Variants in PTPRJ observed in about 807,000 individuals in gnomAD.
PTPRJ encodes the protein protein tyrosine phosphatase receptor type J, also known as receptor-type tyrosine-protein phosphatase eta.
PTPRJ carries 129 observed loss-of-function variants against 141.3 expected under a neutral mutation model. The ratio of observed to expected loss-of-function variants is 0.91; its 90% CI spans 0.79 to 1.06. The LOEUF (loss-of-function observed/expected upper bound fraction) is 1.06, where lower values mean the gene tolerates loss of function less well. PTPRJ is among the 50% of genes least tolerant of loss of function. The probability of loss-of-function intolerance (pLI) is 0.00; values close to 1 mark genes in which losing one functional copy is unlikely to be tolerated. For synonymous variants in PTPRJ, 610 were observed against 640.5 expected, an observed-to-expected ratio of 0.95 and a Z score of 0.72; for missense variants, 1,601 against 1,679.7, an observed-to-expected ratio of 0.95 and a Z score of 0.82.
rs770195763 is a variant in PTPRJ, at chr11:48,127,892, T to C, written c.1206T>C (p.His402=). The C allele has an allele frequency of 3.7e-6, 6 of 1,614,050 alleles. No individual in the cohort carries two copies. The Admixed American group carries it at 6.7e-5, about 18-fold the overall frequency. The change falls in exon 7 of 25, where the codon CAT becomes CAC. Residue 402 remains histidine (H), a synonymous_variant. Transcript: ENST00000418331. ...ESSSNYTYKI[H]VAGETDSSNL... ...CATCTAACTATACCTACAAGATACA[T>C]GTGGCGGGGGAGACAGATTCTTCCA...
intron 1 of PTPRJ, among the ~76,000 whole-genome samples, chr11:48,065,768 CCT>C (rs1286145931): frequency 6.6e-6 from 1 of 152,116 alleles, no homozygotes; most frequent in East Asian, 1.9e-4. Context: ...TATTGTCACC[CCT>C]GTTACAGGGT....
chr11:48,072,568 T>G (rs1855290485), intron 1 of PTPRJ, among the ~76,000 whole-genome samples: 1 of 152,198 alleles, frequency 6.6e-6, no homozygotes, highest in Non-Finnish European at 1.5e-5. Context: ...GGTGTATTTT[T>G]TCCAACAATC....
At chr11:48,129,398 G>A (rs995366478) in intron 7 of PTPRJ, among the ~76,000 whole-genome samples, 1 of 152,272 alleles carries the variant, frequency 6.6e-6, no homozygotes, top group South Asian at 2.1e-4. Flanking sequence ...GTCTGCGTGT[G>A]CCTATGCCCT....
At chr11:48,149,894 G>A in intron 16 of PTPRJ, 96 bp from the exon 17 acceptor site, 1 of 941,278 alleles carries the variant, frequency 1.1e-6, no homozygotes. Flanking sequence ...TTATACCCTG[G>A]GTTTTGTTGT....
intron 12 of PTPRJ, among the ~76,000 whole-genome samples, chr11:48,144,467 A>C (rs1857305663): frequency 1.3e-5 from 2 of 152,322 alleles, no homozygotes; most frequent in African/African-American, 2.4e-5. Context: ...GGAGACAATA[A>C]GCTTATGTGA....
intron 19 of PTPRJ, among the ~76,000 whole-genome samples, chr11:48,154,656 C>T (rs758087696): frequency 1.4e-4 from 22 of 152,136 alleles, no homozygotes; most frequent in East Asian, 7.7e-4. Flanking sequence ...CATCTTTATT[C>T]GAAGCCGTGT....
chr11:48,133,914 T>G (rs1188064347), intron 8 of PTPRJ, among the ~76,000 whole-genome samples: 1 of 152,218 alleles, frequency 6.6e-6, no homozygotes, highest in Non-Finnish European at 1.5e-5. Context: ...CTTAATATTC[T>G]ACAGAAATTA....
intron 1 of PTPRJ, among the ~76,000 whole-genome samples, chr11:48,056,164 T>G (rs1002796550): frequency 6.6e-6 from 1 of 152,330 alleles, no homozygotes; most frequent in African/African-American, 2.4e-5. Flanking sequence ...AAAAGCAGCT[T>G]TGTTTATCAA....
intron 21 of PTPRJ, 127 bp from the exon 22 acceptor site, chr11:48,159,803 A>C: frequency 7.9e-7 from 1 of 1,261,194 alleles, no homozygotes; most frequent in Non-Finnish European, 1.1e-6. Flanking sequence ...GGGTCAAACA[A>C]AACCCAACTA....
intron 1 of PTPRJ, among the ~76,000 whole-genome samples, chr11:48,063,946 T>TG (rs1565284522): frequency 2.1e-4 from 30 of 141,072 alleles, no homozygotes; most frequent in African/African-American, 6.9e-4. Context: ...GTGTGTGTGT[T>TG]TTTAAAAAGA....
At chr11:48,048,352 A>G (rs1411109596) in intron 1 of PTPRJ, among the ~76,000 whole-genome samples, 1 of 152,192 alleles carries the variant, frequency 6.6e-6, no homozygotes, top group African/African-American at 2.4e-5. Context: ...GCTGCTGGGA[A>G]GACTCCTCTC....
Position 48,144,533 on chromosome 11 carries a change from T to C in PTPRJ, c.2576-142T>C, listed in dbSNP as rs1590554533. 9.0e-6 allele frequency: 6 copies of C among 670,264 alleles called. No individual in the cohort carries two copies. In the East Asian group the frequency reaches 1.6e-4, roughly 18 times the overall value. 41.5% of individuals were successfully genotyped at this position (670,264 alleles called of 1,614,324 possible). A position where few individuals can be genotyped will look rare whatever the true frequency, so the allele number is the denominator to read the frequency against. ...TAGGTGAAACCCTTAGAATTCAATG[T>C]AAGTCAAACCTGGCACAGAGAGATA... On this transcript the variant is annotated intron_variant, in intron 12 of 24. Transcript: ENST00000418331.
At chr11:48,165,622 T>C (rs1408309763) in intron 24 of PTPRJ, among the ~76,000 whole-genome samples, 1 of 152,176 alleles carries the variant, frequency 6.6e-6, no homozygotes, top group Admixed American at 6.5e-5. Context: ...CCTGGGTACA[T>C]TGCGTGCTCT....
At chr11:48,055,190 T>TAAAA (rs528706449) in intron 1 of PTPRJ, among the ~76,000 whole-genome samples, 134 of 144,754 alleles carry the variant, frequency 9.3e-4, no homozygotes, top group African/African-American at 3.4e-3. Context: ...CATCTCTAAA[T>TAAAA]AAAAAAAAAA....
At chr11:48,029,128 T>G (rs1483900071) in intron 1 of PTPRJ, among the ~76,000 whole-genome samples, 1 of 152,010 alleles carries the variant, frequency 6.6e-6, no homozygotes, top group East Asian at 1.9e-4. Flanking sequence ...CTGCCGGGAG[T>G]GCAGTGGATG....
At chr11:48,100,800 T>A (rs1047704512) in intron 1 of PTPRJ, among the ~76,000 whole-genome samples, 1 of 151,834 alleles carries the variant, frequency 6.6e-6, no homozygotes, top group African/African-American at 2.4e-5. Context: ...GAGAATTGTT[T>A]GAACCTGGGA....
At chr11:48,084,922 A>G (rs1456644495) in intron 1 of PTPRJ, among the ~76,000 whole-genome samples, 2 of 152,176 alleles carry the variant, frequency 1.3e-5, no homozygotes, top group South Asian at 2.1e-4. Context: ...ACAGCAAAAA[A>G]CCCAAAGTGC....
intron 1 of PTPRJ, among the ~76,000 whole-genome samples, chr11:48,071,001 G>C (rs1855231511): frequency 6.6e-6 from 1 of 152,168 alleles, no homozygotes; most frequent in South Asian, 2.1e-4. Context: ...TAGTTGGTCT[G>C]AATGTCACAT....
intron 3 of PTPRJ, among the ~76,000 whole-genome samples, chr11:48,117,352 C>T (rs1034686438): frequency 4.6e-5 from 7 of 151,634 alleles, no homozygotes; most frequent in Non-Finnish European, 7.4e-5. Context: ...ACCAGCCTGG[C>T]CAACATGGTG....
Sources: allele counts gnomAD v4.1 joint callset (sites outside exome capture counted in the v4.1 genomes callset), GRCh38; gene constraint gnomAD v4.1.1; transcripts MANE v1.5; gene names NCBI Gene and HGNC (gene_info 2026-07-23, HGNC 2026-07-21).